DAB1: variants seen among roughly 807,000 people sequenced by gnomAD.
DAB1 encodes disabled homolog 1.
A neutral mutation model predicts 64.6 loss-of-function variants in DAB1; 15 were observed. The ratio of observed to expected loss-of-function variants is 0.23; its 90% CI spans 0.16 to 0.36. DAB1 has a LOEUF of 0.36. DAB1 is among the 10% of genes least tolerant of loss of function. The probability of loss-of-function intolerance (pLI) is 1.00; values close to 1 mark genes in which losing one functional copy is unlikely to be tolerated. For missense variants in DAB1, 596 were observed against 706.7 expected (o/e 0.84, Z 1.78); for synonymous variants, 235 against 251.9 (o/e 0.93, Z 0.64).
chr1:58,072,055 G>A (rs989316493), intron 5 of DAB1, among the ~76,000 whole-genome samples: 23 of 116,970 alleles, frequency 2.0e-4, no homozygotes, highest in African/African-American at 7.1e-4. Flanking sequence ...AATAAAGCAG[G>A]ATAGGGGATA....
At chr1:57,548,393 A>G (rs1644878641) in intron 7 of DAB1, among the ~76,000 whole-genome samples, 2 of 152,112 alleles carry the variant, frequency 1.3e-5, no homozygotes, top group Non-Finnish European at 2.9e-5. Context: ...CACATTCTTA[A>G]TCACCATAGA....
intron 1 of DAB1, among the ~76,000 whole-genome samples, chr1:57,414,024 G>C (rs1684314968): frequency 6.6e-6 from 1 of 152,214 alleles, no homozygotes; most frequent in South Asian, 2.1e-4. Context: ...TTATGGATGA[G>C]CAAAGAAAGT....
At chr1:58,129,553 G>A (rs937414953) in intron 5 of DAB1, among the ~76,000 whole-genome samples, 6 of 134,274 alleles carry the variant, frequency 4.5e-5, no homozygotes, top group African/African-American at 9.3e-5. Context: ...TGATGTTACG[G>A]TGTCAATTTT....
intron 4 of DAB1, among the ~76,000 whole-genome samples, chr1:58,151,774 C>T (rs1654952365): frequency 1.3e-5 from 2 of 152,174 alleles, no homozygotes; most frequent in Admixed American, 1.3e-4. Context: ...CAGCCCCTTT[C>T]CCTGGAGAGT....
At chr1:57,249,704 G>A (rs1281860799) in intron 2 of DAB1, among the ~76,000 whole-genome samples, 1 of 152,106 alleles carries the variant, frequency 6.6e-6, no homozygotes, top group East Asian at 1.9e-4. Context: ...ACTTTGATGG[G>A]AACACGCCAT....
At chr1:57,771,621 A>G (rs763240327) in intron 6 of DAB1, among the ~76,000 whole-genome samples, 1 of 152,164 alleles carries the variant, frequency 6.6e-6, no homozygotes, top group Non-Finnish European at 1.5e-5. Context: ...AGCCTATTTT[A>G]AGTATACTCA....
At chr1:57,493,733 A>G (rs1318301505) in intron 7 of DAB1, among the ~76,000 whole-genome samples, 2 of 150,110 alleles carry the variant, frequency 1.3e-5, no homozygotes, top group Non-Finnish European at 2.9e-5. Flanking sequence ...GAAAGAAGAA[A>G]AAGAGGGAGG....
intron 7 of DAB1, among the ~76,000 whole-genome samples, chr1:57,551,590 G>C (rs956878612): frequency 6.2e-4 from 94 of 152,224 alleles, no homozygotes; most frequent in African/African-American, 2.2e-3. Flanking sequence ...TGGGAGAGGG[G>C]GTGGCGTTTG....
At chr1:58,281,062 G>A (rs978363426) in intron 4 of DAB1, among the ~76,000 whole-genome samples, 8 of 152,172 alleles carry the variant, frequency 5.3e-5, no homozygotes, top group African/African-American at 1.7e-4. Flanking sequence ...GAGAAAGACA[G>A]GTTGGGGAAG....
rs184382925 is a variant in DAB1, at chr1:58,195,853, A to G, written n.310-45265T>C. Among the ~76,000 whole-genome samples, 6 of 152,350 alleles carry G rather than the reference A, an allele frequency of 3.9e-5. No homozygotes were observed. The East Asian group carries it at 1.2e-3, about 29-fold the overall frequency. On this transcript the variant is annotated intron_variant and non_coding_transcript_variant, in intron 4 of 20. Transcript: ENST00000485760. Reference sequence around the variant, plus strand: ...TACAATAGCCCTAACAGGAAGTATTACTGCTATATCTATTGACATGAACAC... The same window carrying G: ...TACAATAGCCCTAACAGGAAGTATTGCTGCTATATCTATTGACATGAACAC...
intron 2 of DAB1, among the ~76,000 whole-genome samples, chr1:57,170,412 G>A (rs1319553493): frequency 6.6e-6 from 1 of 152,156 alleles, no homozygotes; most frequent in Non-Finnish European, 1.5e-5. Flanking sequence ...CATAATAAGT[G>A]TTTAATAAAT....
intron 3 of DAB1, among the ~76,000 whole-genome samples, chr1:58,390,206 C>T (rs1023066249): frequency 1.1e-4 from 16 of 152,084 alleles, no homozygotes; most frequent in Non-Finnish European, 2.2e-4. Flanking sequence ...ATCTGCCAGG[C>T]GGAAGACACA....
intron 7 of DAB1, among the ~76,000 whole-genome samples, chr1:57,557,990 C>A (rs553504742): frequency 1.1e-4 from 17 of 150,062 alleles, no homozygotes; most frequent in Admixed American, 6.0e-4. Context: ...AAAACAGACA[C>A]AAGCTTCTAT....
intron 3 of DAB1, among the ~76,000 whole-genome samples, chr1:58,380,381 T>C (rs147542096): frequency 6.6e-6 from 1 of 152,262 alleles, no homozygotes; most frequent in African/African-American, 2.4e-5. Context: ...CGATTGTAAG[T>C]TTCCTAAGGC....
chr1:57,339,240 C>T (rs1387780670), intron 1 of DAB1, among the ~76,000 whole-genome samples: 1 of 151,844 alleles, frequency 6.6e-6, no homozygotes, highest in African/African-American at 2.4e-5. Flanking sequence ...ACGGCAAGCT[C>T]CGCCTCTTGG....
intron 3 of DAB1, among the ~76,000 whole-genome samples, chr1:57,142,531 A>G (rs534882020): frequency 6.6e-6 from 1 of 151,936 alleles, no homozygotes; most frequent in East Asian, 1.9e-4. Context: ...TTATAGTAGG[A>G]CAAACTCTCA....
chr1:58,177,905 G>T (rs183886712), intron 4 of DAB1, among the ~76,000 whole-genome samples: 122 of 152,286 alleles, frequency 8.0e-4, no homozygotes, highest in African/African-American at 2.8e-3. Flanking sequence ...ATTCACTTCA[G>T]ATGTGCTCTG....
chr1:57,719,276 C>G (rs1256155609), intron 6 of DAB1, among the ~76,000 whole-genome samples: 1 of 152,158 alleles, frequency 6.6e-6, no homozygotes, highest in Non-Finnish European at 1.5e-5. Flanking sequence ...AAAAAATGCT[C>G]TGGTATTTAC....
intron 7 of DAB1, among the ~76,000 whole-genome samples, chr1:57,581,122 G>A (rs538916068): frequency 1.3e-5 from 2 of 152,338 alleles, no homozygotes; most frequent in African/African-American, 4.8e-5. Flanking sequence ...GAGGCTGGTG[G>A]AACTCCTTGT....
Sources: allele counts gnomAD v4.1 joint callset (sites outside exome capture counted in the v4.1 genomes callset), GRCh38; gene constraint gnomAD v4.1.1; transcripts MANE v1.5; gene names NCBI Gene and HGNC (gene_info 2026-07-23, HGNC 2026-07-21).